Variants in PLSCR2 observed in about 807,000 individuals in gnomAD.
The protein encoded by PLSCR2 is PL scramblase 2.
PLSCR2 carries 18 observed loss-of-function variants against 25.3 expected under a neutral mutation model. The ratio of observed to expected loss-of-function variants is 0.71; its 90% CI spans 0.49 to 1.06. The LOEUF (loss-of-function observed/expected upper bound fraction) is 1.06, where lower values mean the gene tolerates loss of function less well. Ranked by LOEUF, PLSCR2 falls within the 50% of genes least tolerant of loss-of-function variation. PLSCR2 has a pLI of 0.00. For synonymous variants in PLSCR2, 88 were observed against 87.3 expected (o/e 1.01, Z -0.04); for missense variants, 243 against 269.5 (o/e 0.90, Z 0.69).
At chr3:146,479,424 A>G (rs1477742374) in intron 1 of PLSCR2, among the ~76,000 whole-genome samples, 1 of 152,212 alleles carries the variant, frequency 6.6e-6, no homozygotes, top group Non-Finnish European at 1.5e-5. Flanking sequence ...AAAGCAAAAC[A>G]AAGCAGGGGT....
chr3:146,416,774 T>C (rs2039016778), intron 2 of PLSCR2, among the ~76,000 whole-genome samples: 1 of 152,232 alleles, frequency 6.6e-6, no homozygotes, highest in African/African-American at 2.4e-5. Flanking sequence ...TTGTTTTTAA[T>C]ATATGTGGTT....
intron 5 of PLSCR2, among the ~76,000 whole-genome samples, chr3:146,449,893 A>G (rs1003513459): frequency 3.3e-5 from 5 of 152,186 alleles, no homozygotes; most frequent in Non-Finnish European, 7.3e-5. Context: ...TGACAGTTTG[A>G]GTGAAGAAAA....
In PLSCR2 at chr3:146,488,682, C is replaced by G. The variant is rs561209531; in HGVS notation, c.-293+7213G>C. 2.0e-5 allele frequency among the ~76,000 whole-genome samples: 3 copies of G among 151,788 alleles called. No homozygotes were observed. In the East Asian group the frequency reaches 5.8e-4, roughly 30 times the overall value. ...AAAGTCAAGAAACAATGGATGCTGG[C>G]GAGGCTGTGGAGAAATAGGAATGCT... On this transcript the variant is annotated intron_variant, in intron 1 of 8. Coordinates refer to the PLSCR2 transcript ENST00000336685.
chr3:146,473,831 A>G (rs1467891110), intron 1 of PLSCR2, among the ~76,000 whole-genome samples: 1 of 152,194 alleles, frequency 6.6e-6, no homozygotes, highest in Non-Finnish European at 1.5e-5. Context: ...TTGCTTTTCT[A>G]ATAAATTCCC....
chr3:146,475,700 A>G (rs534714339), intron 1 of PLSCR2, among the ~76,000 whole-genome samples: 23 of 152,310 alleles, frequency 1.5e-4, no homozygotes, highest in African/African-American at 4.1e-4. Context: ...AATATGCTGC[A>G]TAAGTGTATC....
chr3:146,454,242 T>C lies in PLSCR2; in HGVS notation c.322-79A>G, dbSNP rs2041070822. On this transcript the variant is annotated intron_variant, in intron 4 of 6. Transcript: ENST00000610787. ...AATAATAGCTCTAATTTACTGAGCA[T>C]TTCCTAAGTGCCAGACATTGTAAGT... 3 of 1,011,092 alleles carry C rather than the reference T, an allele frequency of 3.0e-6. No homozygotes were observed. In the East Asian group the frequency reaches 8.4e-5, roughly 28 times the overall value. 62.6% of individuals were successfully genotyped at this position (1,011,092 alleles called of 1,614,324 possible). A position where few individuals can be genotyped will look rare whatever the true frequency, so the allele number is the denominator to read the frequency against.
chr3:146,425,389 T>A (rs915845169), intron 2 of PLSCR2, among the ~76,000 whole-genome samples: 2 of 152,122 alleles, frequency 1.3e-5, no homozygotes, highest in African/African-American at 4.8e-5. Flanking sequence ...GTACCAGGAC[T>A]TAAACCATGA....
At chr3:146,453,034 G>A (rs900884328) in intron 5 of PLSCR2, among the ~76,000 whole-genome samples, 2 of 151,988 alleles carry the variant, frequency 1.3e-5, no homozygotes, top group East Asian at 1.9e-4. Flanking sequence ...CAACACATGT[G>A]TTTTCTTAGA....
At chr3:146,468,413 GACTGCC>G (rs1360633000) in intron 1 of PLSCR2, among the ~76,000 whole-genome samples, 1 of 152,220 alleles carries the variant, frequency 6.6e-6, no homozygotes, top group Non-Finnish European at 1.5e-5. Context: ...AAGAAACAAC[GACTGCC>G]TGTTCCTGCA....
At chr3:146,422,012 A>G (rs2039169099) in intron 2 of PLSCR2, among the ~76,000 whole-genome samples, 1 of 152,114 alleles carries the variant, frequency 6.6e-6, no homozygotes, top group Non-Finnish European at 1.5e-5. Flanking sequence ...TAACAGATTC[A>G]GTTCTGGTCA....
chr3:146,454,141 C>A, exon 5 of PLSCR2: 1 of 1,588,438 alleles, frequency 6.3e-7, no homozygotes, highest in African/African-American at 1.4e-5. Flanking sequence ...TACTGGTACA[C>A]CAGGAGGAGC....
At position 146,483,470 on chromosome 3, in the gene PLSCR2, T is replaced by TAC. The variant is rs1560054893; in HGVS notation, c.-293+12424_-293+12425insGT. 8.1e-5 allele frequency among the ~76,000 whole-genome samples: 4 copies of TAC among 49,494 alleles called. 1 individual carries two copies. The highest frequency in any genetic ancestry group is 7.8e-4 in the South Asian group (1 of 1,284). The allele number at this position is 49,494 out of a possible 152,430, so 32.5% of individuals were successfully genotyped here. A position where few individuals can be genotyped will look rare whatever the true frequency, so the allele number is the denominator to read the frequency against. On this transcript the variant is annotated intron_variant, in intron 1 of 8. Transcript: ENST00000336685. The stretch of plus-strand genomic sequence containing the variant: ...ACATGTATGTATATATATATATATA[T>TAC]ATACATGTGTATATATATATATATA...
chr3:146,438,023 C>T (rs143430887), downstream of PLSCR2, among the ~76,000 whole-genome samples: 73,671 of 151,944 alleles, frequency 0.48, 18,807 homozygotes, highest in South Asian at 0.7. Context: ...GCCTTCATTT[C>T]GTTATGTACC....
At chr3:146,401,206 T>A (rs2038462323) in intron 2 of PLSCR2, 1 of 152,072 alleles carries the variant, frequency 6.6e-6, no homozygotes, top group Non-Finnish European at 1.5e-5. Context: ...TTGTGGATGA[T>A]TCTCACCCTA....
At chr3:146,435,800 G>T (rs896468158) in intron 8 of PLSCR2, among the ~76,000 whole-genome samples, 1 of 152,046 alleles carries the variant, frequency 6.6e-6, no homozygotes, top group Non-Finnish European at 1.5e-5. Context: ...GTCAATTTTG[G>T]CTTTTGTTGC....
At chr3:146,479,964 G>GAC (rs911916295) in intron 1 of PLSCR2, among the ~76,000 whole-genome samples, 77 of 151,946 alleles carry the variant, frequency 5.1e-4, no homozygotes, top group Admixed American at 2.0e-3. Context: ...ATGGAAACTG[G>GAC]ACAACCTGCT....
At chr3:146,394,765 C>G (rs949022878) in intron 3 of PLSCR2, among the ~76,000 whole-genome samples, 3 of 152,208 alleles carry the variant, frequency 2.0e-5, no homozygotes, top group Non-Finnish European at 4.4e-5. Flanking sequence ...CAAATCTTAA[C>G]TTGAATTATA....
chr3:146,412,362 A>G (rs1230682045), intron 2 of PLSCR2, among the ~76,000 whole-genome samples: 1 of 151,980 alleles, frequency 6.6e-6, no homozygotes, highest in Non-Finnish European at 1.5e-5. Flanking sequence ...CAGGTTTTCT[A>G]TGACATCCTT....
At chr3:146,400,447 G>A (rs1012806337) in intron 2 of PLSCR2, among the ~76,000 whole-genome samples, 1 of 151,330 alleles carries the variant, frequency 6.6e-6, no homozygotes, top group Non-Finnish European at 1.5e-5. Flanking sequence ...TAAGACCTAA[G>A]TACTGAAAAT....
Sources: allele counts gnomAD v4.1 joint callset (sites outside exome capture counted in the v4.1 genomes callset), GRCh38; gene constraint gnomAD v4.1.1; transcripts MANE v1.5; gene names NCBI Gene and HGNC (gene_info 2026-07-23, HGNC 2026-07-21).